Variants in HSD17B12 observed in about 807,000 individuals in gnomAD.
HSD17B12 encodes very-long-chain 3-oxoacyl-CoA reductase.
HSD17B12 carries 32 observed loss-of-function variants against 39.3 expected under a neutral mutation model. That is an observed-to-expected ratio of 0.81 (90% CI 0.61 to 1.09). HSD17B12 has a LOEUF of 1.09. Among genes scored for constraint, HSD17B12 ranks in the 50% least tolerant of loss-of-function variants. The probability of loss-of-function intolerance (pLI) is 0.00; values close to 1 mark genes in which losing one functional copy is unlikely to be tolerated. For synonymous variants in HSD17B12, 150 were observed against 146.7 expected, an observed-to-expected ratio of 1.02 and a Z score of -0.16; for missense variants, 342 against 382.9, an observed-to-expected ratio of 0.89 and a Z score of 0.89.
intron 4 of HSD17B12, among the ~76,000 whole-genome samples, chr11:43,805,515 T>G (rs926860699): frequency 1.3e-5 from 2 of 152,142 alleles, no homozygotes; most frequent in African/African-American, 2.4e-5. Context: ...AAACTTAATG[T>G]AGTTAGAATT....
the HSD17B12 span, among the ~76,000 whole-genome samples, chr11:43,631,641 GTCTC>G: frequency 5.3e-3 from 761 of 144,926 alleles, 5 homozygotes; most frequent in African/African-American, 0.017. Context: ...GTCGCTCTCT[GTCTC>G]TCTCTCTCTC....
chr11:43,608,924 A>G, the HSD17B12 span, among the ~76,000 whole-genome samples: 1,363 of 152,142 alleles, frequency 9.0e-3, 22 homozygotes, highest in African/African-American at 0.032. Flanking sequence ...AAACATATGC[A>G]CAACCCCCCA....
Position 43,750,973 on chromosome 11 carries a change from G to T in HSD17B12, c.207+16G>T, listed in dbSNP as rs1402694911. ...TGCAGAAGAGGTAGGTGATTTTCAA[G>T]ATCTTTCCTTTTAATATAAAAAATA... On this transcript the variant is annotated intron_variant, in intron 2 of 10. Transcript: ENST00000278353. The T allele has an allele frequency of 6.5e-7, 1 of 1,541,546 alleles. No individual in the cohort carries two copies. Among genetic ancestry groups the T allele is most frequent in the South Asian group, 1.2e-5 (1 of 85,830 alleles).
chr11:43,559,982 C>T, the HSD17B12 span, among the ~76,000 whole-genome samples: 10 of 152,130 alleles, frequency 6.6e-5, no homozygotes, highest in Middle Eastern at 3.2e-3. Context: ...AATATAATGC[C>T]TTTGTCTTTC....
intron 3 of HSD17B12, among the ~76,000 whole-genome samples, chr11:43,768,754 AG>A (rs1306895634): frequency 1.3e-5 from 2 of 152,202 alleles, no homozygotes; most frequent in East Asian, 3.8e-4. Context: ...GCACAGAAGG[AG>A]ACCAGAGCGG....
intron 1 of HSD17B12, among the ~76,000 whole-genome samples, chr11:43,707,718 A>G (rs1309501343): frequency 6.6e-6 from 1 of 152,242 alleles, no homozygotes; most frequent in East Asian, 1.9e-4. Context: ...TTAAATATAC[A>G]TGATGTTTAG....
At chr11:43,609,154 G>T in the HSD17B12 span, among the ~76,000 whole-genome samples, 1 of 151,516 alleles carries the variant, frequency 6.6e-6, no homozygotes, top group African/African-American at 2.4e-5. Context: ...TGTCCAGACT[G>T]GTCTCAAACT....
chr11:43,770,448 C>A (rs1206268539), intron 3 of HSD17B12, among the ~76,000 whole-genome samples: 1 of 152,192 alleles, frequency 6.6e-6, no homozygotes, highest in Non-Finnish European at 1.5e-5. Context: ...TAACTCTCTG[C>A]CGGGCACAGT....
chr11:43,624,439 GAA>G, the HSD17B12 span, among the ~76,000 whole-genome samples: 2 of 151,850 alleles, frequency 1.3e-5, no homozygotes, highest in Non-Finnish European at 2.9e-5. Flanking sequence ...TAACAGAAGA[GAA>G]AAGAGACTCA....
At chr11:43,722,436 G>A (rs1308605394) in intron 1 of HSD17B12, among the ~76,000 whole-genome samples, 3 of 152,184 alleles carry the variant, frequency 2.0e-5, no homozygotes, top group Non-Finnish European at 2.9e-5. Flanking sequence ...TAGGCAAGGA[G>A]ACTAGTCACT....
At chr11:43,667,190 G>T in the HSD17B12 span, among the ~76,000 whole-genome samples, 2 of 152,004 alleles carry the variant, frequency 1.3e-5, no homozygotes, top group African/African-American at 4.8e-5. Flanking sequence ...ATCACTCTAT[G>T]GCCCAGGCTG....
chr11:43,796,047 G>A (rs1311308080), intron 3 of HSD17B12, among the ~76,000 whole-genome samples: 1 of 152,212 alleles, frequency 6.6e-6, no homozygotes, highest in African/African-American at 2.4e-5. Context: ...TTTAAGTCCC[G>A]AGTGTACGTG....
At chr11:43,681,829 C>G (rs923343926) in intron 1 of HSD17B12, among the ~76,000 whole-genome samples, 12 of 142,582 alleles carry the variant, frequency 8.4e-5, no homozygotes, top group Admixed American at 5.5e-4. Context: ...TTTGCTCCCC[C>G]CCCCCTTTTT....
At chr11:43,851,845 C>A (rs1292828904) in intron 9 of HSD17B12, among the ~76,000 whole-genome samples, 1 of 152,176 alleles carries the variant, frequency 6.6e-6, no homozygotes, top group Admixed American at 6.5e-5. Context: ...TTTTGCCTCC[C>A]TCCTGCCACT....
intron 1 of HSD17B12, among the ~76,000 whole-genome samples, chr11:43,699,872 C>A (rs996906673): frequency 2.0e-5 from 3 of 152,186 alleles, no homozygotes; most frequent in Admixed American, 6.5e-5. Flanking sequence ...GAAAAAGGTG[C>A]TCAACATCAC....
At chr11:43,561,195 G>C in the HSD17B12 span, among the ~76,000 whole-genome samples, 1 of 152,186 alleles carries the variant, frequency 6.6e-6, no homozygotes, top group African/African-American at 2.4e-5. Context: ...CCACCTGAAA[G>C]TAATAAAATA....
chr11:43,696,399 A>G (rs543567438), intron 1 of HSD17B12, among the ~76,000 whole-genome samples: 1 of 152,372 alleles, frequency 6.6e-6, no homozygotes, highest in Admixed American at 6.5e-5. Context: ...TTATGTGGCC[A>G]AGAAACATAT....
the HSD17B12 span, among the ~76,000 whole-genome samples, chr11:43,648,986 C>T: frequency 6.6e-6 from 1 of 152,374 alleles, no homozygotes; most frequent in South Asian, 2.1e-4. Context: ...CCTGCCTCAG[C>T]CTGCCAATGT....
the HSD17B12 span, among the ~76,000 whole-genome samples, chr11:43,621,322 C>T: frequency 0.18 from 27,907 of 152,152 alleles, 3,050 homozygotes; most frequent in Middle Eastern, 0.27. Context: ...CAGTATGTCT[C>T]AACATGAAAT....
Sources: gnomAD v4.1 joint callset for allele counts (sites outside exome capture counted in the v4.1 genomes callset) on GRCh38, gnomAD v4.1.1 for gene constraint, MANE v1.5 for transcripts, NCBI Gene and HGNC (gene_info 2026-07-23, HGNC 2026-07-21) for gene names.